The following LARP1B variants were observed in gnomAD, a reference collection of about 807,000 sequenced individuals.
LARP1B encodes la-related protein 1B.
In LARP1B, 76 loss-of-function variants were observed where a neutral mutation model predicts 114.2. That is an observed-to-expected ratio of 0.67 (90% CI 0.55 to 0.81). LARP1B has a LOEUF of 0.81. LARP1B is among the 30% of genes least tolerant of loss of function. The probability of loss-of-function intolerance (pLI) is 0.00; values close to 1 mark genes in which losing one functional copy is unlikely to be tolerated. For synonymous variants in LARP1B, 345 were observed against 348.0 expected, an observed-to-expected ratio of 0.99 and a Z score of 0.10; for missense variants, 1,014 against 1,075.8, an observed-to-expected ratio of 0.94 and a Z score of 0.80.
intron 7 of LARP1B, among the ~76,000 whole-genome samples, chr4:128,220,592 T>G (rs915185353): frequency 6.6e-6 from 1 of 152,218 alleles, no homozygotes; most frequent in African/African-American, 2.4e-5. Context: ...TAAATTTGCA[T>G]TAGTTATTTG....
chr4:128,095,826 A>G (rs963940754), intron 7 of LARP1B, among the ~76,000 whole-genome samples: 8 of 152,068 alleles, frequency 5.3e-5, no homozygotes, highest in Non-Finnish European at 1.0e-4. Flanking sequence ...CCATGTTTGA[A>G]AACTTTCTCT....
chr4:128,080,814 TAAAC>T (rs1026322240), intron 4 of LARP1B, among the ~76,000 whole-genome samples: 1 of 152,172 alleles, frequency 6.6e-6, no homozygotes, highest in African/African-American at 2.4e-5. Context: ...TCTGTCAAGT[TAAAC>T]AAATTTTATA....
chr4:128,178,769 A>T (rs1747302333), intron 14 of LARP1B, 127 bp downstream of exon 14: 1 of 802,968 alleles, frequency 1.2e-6, no homozygotes, highest in Admixed American at 2.9e-5. Flanking sequence ...CTTAAAAATC[A>T]TACTTTACCA....
At chr4:128,153,861 A>G (rs760429199) in intron 11 of LARP1B, among the ~76,000 whole-genome samples, 39 of 152,310 alleles carry the variant, frequency 2.6e-4, no homozygotes, top group Non-Finnish European at 5.1e-4. Context: ...AAAAAATGAA[A>G]GAAAACCCAC....
chr4:128,196,169 T>C (rs1037618435), intron 15 of LARP1B, among the ~76,000 whole-genome samples: 1 of 147,204 alleles, frequency 6.8e-6, no homozygotes, highest in Non-Finnish European at 1.5e-5. Flanking sequence ...GAAAATCACT[T>C]GAGCCCGGGA....
intron 9 of LARP1B, among the ~76,000 whole-genome samples, chr4:128,109,927 G>A (rs1035691872): frequency 6.6e-6 from 1 of 151,516 alleles, no homozygotes. Flanking sequence ...TTGTTGAGAC[G>A]GAGCCTCACT....
At chr4:128,202,476 T>C (rs1264797386) in intron 17 of LARP1B, among the ~76,000 whole-genome samples, 2 of 152,236 alleles carry the variant, frequency 1.3e-5, no homozygotes, top group African/African-American at 2.4e-5. Context: ...TACACACATA[T>C]AGAGACATGC....
intron 11 of LARP1B, chr4:128,155,823 A>AGGGCTGCAGCGAGAGATCGAG: frequency 6.3e-7 from 1 of 1,583,004 alleles, no homozygotes; most frequent in African/African-American, 1.3e-5. Flanking sequence ...ATGAGAAATC[A>AGGGCTGCAGCGAGAGATCGAG]GGGCTGCAGC....
rs147204799 is a variant in LARP1B, at chr4:128,070,315, G to A, written c.-77-4145G>A. Among the ~76,000 whole-genome samples, 420 of 150,354 alleles carry A rather than the reference G, an allele frequency of 2.8e-3. 4 individuals carry two copies. The highest frequency in any genetic ancestry group is 9.8e-3 in the African/African-American group (401 of 40,930). On this transcript the variant is annotated intron_variant, in intron 1 of 19. Transcript: ENST00000326639. The stretch of plus-strand genomic sequence containing the variant: ...AGCCTGGGTGACAGAGTGAGACTCC[G>A]TCTCAAAAAAAAAAAGAAGATAATT...
intron 11 of LARP1B, among the ~76,000 whole-genome samples, chr4:128,144,082 C>G (rs1030812687): frequency 3.3e-5 from 5 of 152,144 alleles, no homozygotes; most frequent in Admixed American, 3.3e-4. Flanking sequence ...TATCTCTAGT[C>G]TCTACCCACA....
chr4:128,063,427 CAAAAAAAAAAAAAAAAA>C (rs763868048), intron 1 of LARP1B, among the ~76,000 whole-genome samples: 1 of 13,218 alleles, frequency 7.6e-5, no homozygotes, highest in South Asian at 5.3e-3. Context: ...GACCCACTCT[CAAAAAAAAAAAAAAAAA>C]AAAAAAAAAA....
intron 4 of LARP1B, among the ~76,000 whole-genome samples, chr4:128,078,743 A>C (rs1219902386): frequency 6.6e-6 from 1 of 152,110 alleles, no homozygotes; most frequent in African/African-American, 2.4e-5. Context: ...GTCTAGGGAC[A>C]GTTTATGATT....
At chr4:128,106,655 GTT>G (rs1387513386) in intron 8 of LARP1B, among the ~76,000 whole-genome samples, 1 of 151,646 alleles carries the variant, frequency 6.6e-6, no homozygotes, top group Non-Finnish European at 1.5e-5. Flanking sequence ...CTTTGATTAA[GTT>G]TATTTCTTTG....
At chr4:128,110,469 C>G (rs1000082977) in intron 9 of LARP1B, among the ~76,000 whole-genome samples, 3 of 149,446 alleles carry the variant, frequency 2.0e-5, no homozygotes, top group Non-Finnish European at 3.0e-5. Flanking sequence ...GTCAGGAGAT[C>G]GAGACCATCC....
chr4:128,204,263 C>T (rs200561594), intron 17 of LARP1B, among the ~76,000 whole-genome samples: 1 of 125,688 alleles, frequency 8.0e-6, no homozygotes, highest in African/African-American at 3.0e-5. Flanking sequence ...GTTTTGGGTA[C>T]AAAAAAAAAA....
intron 1 of LARP1B, among the ~76,000 whole-genome samples, chr4:128,072,559 A>G (rs578129052): frequency 1.5e-4 from 22 of 151,486 alleles, no homozygotes; most frequent in Non-Finnish European, 2.5e-4. Flanking sequence ...GTACGTATAT[A>G]TAATTTTTTT....
chr4:128,106,557 G>A (rs956764236), intron 8 of LARP1B, among the ~76,000 whole-genome samples: 4 of 151,786 alleles, frequency 2.6e-5, no homozygotes, highest in African/African-American at 9.7e-5. Flanking sequence ...TACATATTGG[G>A]GAGGCACCTT....
intron 11 of LARP1B, chr4:128,122,409 A>G: frequency 6.7e-7 from 1 of 1,487,978 alleles, no homozygotes. Flanking sequence ...ATTACAAAAG[A>G]AAATTAGTAC....
At chr4:128,143,101 A>G (rs922184385) in intron 11 of LARP1B, among the ~76,000 whole-genome samples, 3 of 151,980 alleles carry the variant, frequency 2.0e-5, no homozygotes, top group African/African-American at 7.2e-5. Context: ...CCTGGCCAAC[A>G]TGGTGAAACC....
Sources: allele counts gnomAD v4.1 joint callset (sites outside exome capture counted in the v4.1 genomes callset), GRCh38; gene constraint gnomAD v4.1.1; transcripts MANE v1.5; gene names NCBI Gene and HGNC (gene_info 2026-07-23, HGNC 2026-07-21).